Variants in CSMD3 observed in about 807,000 individuals in gnomAD.
CSMD3 encodes the protein CUB and Sushi multiple domains 3.
In CSMD3, 177 loss-of-function variants were observed where a neutral mutation model predicts 435.2. The observed-to-expected ratio is 0.41, with a 90% CI of 0.36 to 0.46. The LOEUF (loss-of-function observed/expected upper bound fraction) is 0.46, where lower values mean the gene tolerates loss of function less well. Among genes scored for constraint, CSMD3 ranks in the 20% least tolerant of loss-of-function variants. The probability of loss-of-function intolerance (pLI) is 0.34; values close to 1 mark genes in which losing one functional copy is unlikely to be tolerated. For missense variants in CSMD3, 4,265 were observed against 4,504.6 expected, an observed-to-expected ratio of 0.95 and a Z score of 1.52; for synonymous variants, 1,656 against 1,520.5, an observed-to-expected ratio of 1.09 and a Z score of -2.07.
chr8:113,328,648 G>A (rs1221140859), intron 1 of CSMD3, among the ~76,000 whole-genome samples: 1 of 151,028 alleles, frequency 6.6e-6, no homozygotes, highest in Non-Finnish European at 1.5e-5. Flanking sequence ...CTGGAAGGGT[G>A]AGAATATGAT....
chr8:113,205,607 A>G (rs1056774987), intron 3 of CSMD3, among the ~76,000 whole-genome samples: 2 of 152,200 alleles, frequency 1.3e-5, no homozygotes, highest in African/African-American at 4.8e-5. Flanking sequence ...TCCCATCATT[A>G]AGCAATGCAT....
chr8:112,345,086 C>T (rs1204947758), intron 41 of CSMD3, among the ~76,000 whole-genome samples: 2 of 152,056 alleles, frequency 1.3e-5, no homozygotes, highest in Non-Finnish European at 2.9e-5. Context: ...CTAGCTATAT[C>T]AGTCTATACA....
chr8:112,570,053 G>A (rs1054494144), intron 24 of CSMD3, among the ~76,000 whole-genome samples: 2 of 152,108 alleles, frequency 1.3e-5, no homozygotes, highest in Non-Finnish European at 2.9e-5. Context: ...GAATGGACAG[G>A]GTTAGAGTTG....
chr8:112,841,426 C>T (rs967945680), intron 11 of CSMD3, among the ~76,000 whole-genome samples: 4 of 151,808 alleles, frequency 2.6e-5, no homozygotes, highest in Non-Finnish European at 5.9e-5. Flanking sequence ...ATCATCTGCT[C>T]AGAAAAGTAT....
chr8:113,307,958 C>T (rs552914820), intron 2 of CSMD3, among the ~76,000 whole-genome samples: 1 of 152,234 alleles, frequency 6.6e-6, no homozygotes, highest in African/African-American at 2.4e-5. Flanking sequence ...AATAACCAAA[C>T]ATTTTGACTC....
intron 1 of CSMD3, among the ~76,000 whole-genome samples, chr8:113,332,114 A>T (rs1336708512): frequency 6.6e-6 from 1 of 151,666 alleles, no homozygotes; most frequent in Non-Finnish European, 1.5e-5. Context: ...TTTCCAGTGC[A>T]TATAAAAGTT....
chr8:113,037,619 A>C (rs1202125253), intron 5 of CSMD3, among the ~76,000 whole-genome samples: 1 of 152,136 alleles, frequency 6.6e-6, no homozygotes, highest in East Asian at 1.9e-4. Flanking sequence ...TGAAAAAATG[A>C]CAAATGTATT....
intron 7 of CSMD3, among the ~76,000 whole-genome samples, chr8:112,955,026 G>T (rs1271565068): frequency 6.6e-6 from 1 of 151,462 alleles, no homozygotes; most frequent in Non-Finnish European, 1.5e-5. Flanking sequence ...AAACTGTCCA[G>T]ATTTTTATAT....
At chr8:112,381,288 C>T (rs1355583587) in intron 37 of CSMD3, among the ~76,000 whole-genome samples, 1 of 152,090 alleles carries the variant, frequency 6.6e-6, no homozygotes, top group Non-Finnish European at 1.5e-5. Flanking sequence ...TCAGCAAATG[C>T]ATTATAATGA....
At position 112,941,983 on chromosome 8, in the gene CSMD3, G is replaced by A. The variant is rs77253480; in HGVS notation, c.1508+5807C>T. 5.8e-3 allele frequency among the ~76,000 whole-genome samples: 880 copies of A among 151,316 alleles called. 8 individuals carry two copies. Among genetic ancestry groups the A allele is most frequent in the African/African-American group, 0.02 (824 of 41,336 alleles). On this transcript the variant is annotated intron_variant, in intron 9 of 70. Coordinates refer to ENST00000297405, the MANE Select transcript of CSMD3 (RefSeq NM_198123.2). The stretch of plus-strand genomic sequence containing the variant: ...TAATTAAAGTTCATAATTACATTAG[G>A]GTTCACTCTTTGTGTTCTATGGGTT...
At chr8:112,613,888 C>G (rs917280648) in intron 22 of CSMD3, among the ~76,000 whole-genome samples, 1 of 152,058 alleles carries the variant, frequency 6.6e-6, no homozygotes, top group Non-Finnish European at 1.5e-5. Flanking sequence ...TTTGGGAGTC[C>G]AAGGTCGGAG....
chr8:113,377,068 C>T (rs1376592988), intron 1 of CSMD3: 1 of 1,305,852 alleles, frequency 7.7e-7, no homozygotes, highest in East Asian at 4.1e-5. Context: ...GGGCAAGAGC[C>T]TCACTTTTCG....
intron 12 of CSMD3, among the ~76,000 whole-genome samples, chr8:112,803,234 C>T (rs569272064): frequency 6.6e-6 from 1 of 152,326 alleles, no homozygotes; most frequent in East Asian, 1.9e-4. Context: ...GCTCTTTCTG[C>T]ATCCCTTGTG....
chr8:112,968,697 A>C (rs1044285268), intron 7 of CSMD3, among the ~76,000 whole-genome samples: 2 of 152,068 alleles, frequency 1.3e-5, no homozygotes, highest in South Asian at 4.1e-4. Context: ...TTTTCTCTGT[A>C]ATCTAATCTC....
chr8:113,434,051 C>G (rs1391353877), intron 1 of CSMD3, among the ~76,000 whole-genome samples: 1 of 152,190 alleles, frequency 6.6e-6, no homozygotes, highest in Non-Finnish European at 1.5e-5. Context: ...TTCAGCCCCA[C>G]CCGAGTGGTT....
In CSMD3 at chr8:112,318,937, C is replaced by T. The variant is rs772410756; in HGVS notation, c.7260G>A (p.Arg2420=). 11 of 1,604,238 alleles carry T rather than the reference C, an allele frequency of 6.9e-6. No homozygotes were observed. The highest frequency in any genetic ancestry group is 1.1e-5 in the South Asian group (1 of 90,934). Residue 2420 remains arginine, a synonymous_variant, in exon 47 of 71, where the codon AGG becomes AGA. Coordinates refer to ENST00000297405, the MANE Select transcript of CSMD3 (RefSeq NM_198123.2). ...DDEFEIGDII[R]YQCLPGFTLV... is the part of the protein sequence containing the mutation. Reference sequence around the variant, plus strand: ...AAGTAAATCCTGGAAGACACTGATACCTAATAATATCACCTATTAAACAAA... The same window carrying T: ...AAGTAAATCCTGGAAGACACTGATATCTAATAATATCACCTATTAAACAAA...
rs2130714290 is a variant in CSMD3 at position 112,295,869 on chromosome 8, C to T, written c.8578G>A (p.Asp2860Asn). 6.2e-7 allele frequency: 1 copy of T among 1,613,942 alleles called. No individual in the cohort carries two copies. Among genetic ancestry groups the T allele is most frequent in the Non-Finnish European group, 8.5e-7 (1 of 1,179,966 alleles). Reference protein sequence around the residue: ...IGSSVRICQQDHNWSGQLPSC... With the variant: ...IGSSVRICQQNHNWSGQLPSC... Reference sequence around the variant, plus strand: ...GGGAGCTGACCAGACCAATTGTGATCCTGTTGACATATCCTCACTGAAGAA... The same window carrying T: ...GGGAGCTGACCAGACCAATTGTGATTCTGTTGACATATCCTCACTGAAGAA... The change falls in exon 54 of 71, where the codon GAT becomes AAT. Residue 2860 changes from aspartate (D) to asparagine (N), a missense_variant. Physicochemically the swap from Asp to Asn is conservative, Grantham distance 23. Transcript: ENST00000297405.
intron 1 of CSMD3, among the ~76,000 whole-genome samples, chr8:113,375,804 A>G (rs1212251270): frequency 2.0e-5 from 3 of 152,184 alleles, no homozygotes; most frequent in African/African-American, 7.2e-5. Flanking sequence ...AAGAACAGAG[A>G]AATGAAGTAA....
chr8:112,617,406 AC>A (rs1833744057), intron 22 of CSMD3, among the ~76,000 whole-genome samples: 1 of 152,312 alleles, frequency 6.6e-6, no homozygotes, highest in South Asian at 2.1e-4. Flanking sequence ...TGTTTAAAAC[AC>A]AAGTAAAATC....
Sources: gnomAD v4.1 joint callset for allele counts (sites outside exome capture counted in the v4.1 genomes callset) on GRCh38, gnomAD v4.1.1 for gene constraint, MANE v1.5 for transcripts, NCBI Gene and HGNC (gene_info 2026-07-23, HGNC 2026-07-21) for gene names.